JUP: variants seen among roughly 807,000 people sequenced by gnomAD.
JUP encodes the protein catenin (cadherin-associated protein), gamma 80kDa.
JUP carries 28 observed loss-of-function variants against 71.1 expected under a neutral mutation model. The observed-to-expected ratio is 0.39, with a 90% confidence interval of 0.29 to 0.54. The LOEUF (loss-of-function observed/expected upper bound fraction) is 0.54. Among genes scored for constraint, JUP ranks in the 20% least tolerant of loss-of-function variants. The pLI, the probability that JUP is intolerant of heterozygous loss-of-function variation, is 0.62. For synonymous variants in JUP, 401 were observed against 438.9 expected (o/e 0.91, Z 1.08); for missense variants, 869 against 1,030.1 (o/e 0.84, Z 2.14).
chr17:41,767,367 G>C lies in JUP; in HGVS notation c.909+12C>G, dbSNP rs1555604471. 1 of 1,612,826 alleles carries C rather than the reference G, an allele frequency of 6.2e-7. No individual in the cohort carries two copies. Among genetic ancestry groups the C allele is most frequent in the Non-Finnish European group, 8.5e-7 (1 of 1,179,032 alleles). On this transcript the variant is annotated intron_variant, in intron 5 of 13. Transcript: ENST00000393931. ...TGGGCTTCAGGCCTCGGGAGAGTTG[G>C]GGAGGGCCCACCTTGCTCTCCTGGT...
Position 41,763,286 on chromosome 17 carries a change from A to C in JUP, c.1194T>G (p.Asn398Lys), listed in dbSNP as rs1320533886. ...GLESVLKILV[N>K]QLSVDDVNVL... ...CGTTGACGTCATCCACACTCAGCTG[A>C]TTCACCAGAATCTTCAGCACACTCT... is the stretch of plus-strand genomic sequence containing the variant. Residue 398 changes from asparagine (N) to lysine (K), a missense_variant, in exon 8 of 14, where the codon AAT (asparagine) becomes AAG (lysine). Asn to Lys is a moderately conservative substitution (Grantham distance 94, BLOSUM62 0). Coordinates refer to ENST00000393931, the MANE Select transcript of JUP (RefSeq NM_002230.4). 6.2e-7 allele frequency: 1 copy of C among 1,614,016 alleles called. No homozygotes were observed. Among genetic ancestry groups the C allele is most frequent in the Non-Finnish European group, 8.5e-7 (1 of 1,180,026 alleles).
Position 41,769,452 on chromosome 17 carries a change from G to C in JUP, c.434C>G (p.Pro145Arg). 5 of 1,613,088 alleles carry C rather than the reference G, an allele frequency of 3.1e-6. No homozygotes were observed. The highest frequency in any genetic ancestry group is 4.2e-6 in the Non-Finnish European group (5 of 1,179,738). Reference sequence around the variant, plus strand: ...GTCGTTGAGCAGTTTGGTGAGCTCGGGCAGGGCGCGAGTGGCCAGCTCGGC... The same window carrying C: ...GTCGTTGAGCAGTTTGGTGAGCTCGCGCAGGGCGCGAGTGGCCAGCTCGGC... ...DDAELATRAL[P>R]ELTKLLNDED... Residue 145 changes from proline to arginine, a missense_variant, in exon 3 of 14, where the codon CCC becomes CGC. Transcript: ENST00000393931.
At chr17:41,770,053 G>T (rs189756666) in intron 2 of JUP, among the ~76,000 whole-genome samples, 1 of 151,956 alleles carries the variant, frequency 6.6e-6, no homozygotes, top group African/African-American at 2.4e-5. Context: ...GGGCACAGAG[G>T]GGTTATAAGG....
intron 2 of JUP, among the ~76,000 whole-genome samples, chr17:41,770,938 A>G (rs1916552892): frequency 6.6e-6 from 1 of 152,216 alleles, no homozygotes; most frequent in African/African-American, 2.4e-5. Context: ...TGGCTCTCCC[A>G]CAAACGTGAG....
intron 1 of JUP, among the ~76,000 whole-genome samples, chr17:41,776,651 G>A (rs2046900419): frequency 6.6e-6 from 1 of 152,196 alleles, no homozygotes; most frequent in Admixed American, 6.5e-5. Context: ...GATTGAGGCT[G>A]CAGTGAGCCA....
intron 4 of JUP, among the ~76,000 whole-genome samples, chr17:41,768,680 C>T (rs1916091207): frequency 6.6e-6 from 1 of 152,216 alleles, no homozygotes; most frequent in African/African-American, 2.4e-5. Context: ...CCTTCCTCTG[C>T]ACTAGCCAAA....
At chr17:41,781,348 C>T (rs1191085497) in intron 1 of JUP, among the ~76,000 whole-genome samples, 1 of 150,530 alleles carries the variant, frequency 6.6e-6, no homozygotes. Flanking sequence ...GAGTGAGAGA[C>T]TCCATCTCAA....
At chr17:41,785,905 C>T (rs1347327605) in intron 1 of JUP, 8 of 152,308 alleles carry the variant, frequency 5.3e-5, no homozygotes, top group Non-Finnish European at 1.2e-4. Context: ...CATCCCACCT[C>T]CGCTGAAGAA....
rs933829636 is a variant in JUP at position 41,758,380 on chromosome 17, C to T, written c.1773+19G>A. The T allele has an allele frequency of 6.2e-7, 1 of 1,612,360 alleles. No individual in the cohort carries two copies. The highest frequency in any genetic ancestry group is 8.5e-7 in the Non-Finnish European group (1 of 1,179,938). ...GCAGTGGTGGGGGGACCTCTCCTGC[C>T]CACCTGCCCCAGACTCACCTGCACA... On this transcript the variant is annotated intron_variant, in intron 10 of 13. Coordinates refer to ENST00000393931, the MANE Select transcript of JUP (RefSeq NM_002230.4).
chr17:41,757,574 G>A lies in JUP; in HGVS notation c.1925-38C>T, dbSNP rs147482423. 1,561 of 1,614,086 alleles carry A rather than the reference G, an allele frequency of 9.7e-4. 5 individuals carry two copies. The African/African-American group carries it at 9.9e-3, about 10-fold the overall frequency. On this transcript the variant is annotated intron_variant, in intron 11 of 13. Coordinates refer to ENST00000393931, the MANE Select transcript of JUP (RefSeq NM_002230.4). ...GAAAGGAAAAGCCAGGTTAAACGTC[G>A]GCCAGCCTCCATCGTGGCTGGGGGA... is the stretch of plus-strand genomic sequence containing the variant.
chr17:41,755,826 T>C lies in JUP; in HGVS notation c.2156A>G (p.Asp719Gly), dbSNP rs1283154446. ...GTCGATGGGGTAGTCTCCATCCATG[T>C]CCATGTGCATCTCCAGCGGGTCAAG... Reference protein sequence around the residue: ...VPLDPLEMHMDMDGDYPIDTY... With the variant: ...VPLDPLEMHMGMDGDYPIDTY... The change falls in exon 14 of 14, where the codon GAC (aspartate) becomes GGC (glycine). Residue 719 changes from aspartate to glycine, a missense_variant. Physicochemically the swap from Asp to Gly is moderately conservative, Grantham distance 94 (BLOSUM62 -1). Transcript: ENST00000393931. 1 of 1,613,434 alleles carries C rather than the reference T, an allele frequency of 6.2e-7. No individual in the cohort carries two copies. Among genetic ancestry groups the C allele is most frequent in the Non-Finnish European group, 8.5e-7 (1 of 1,179,714 alleles).
At chr17:41,784,215 C>T (rs1191246536) in intron 1 of JUP, among the ~76,000 whole-genome samples, 1 of 151,824 alleles carries the variant, frequency 6.6e-6, no homozygotes, top group Non-Finnish European at 1.5e-5. Context: ...CTAGCCCGAC[C>T]TTTTTCGTTC....
At chr17:41,768,681 A>G in intron 4 of JUP, among the ~76,000 whole-genome samples, 1 of 152,152 alleles carries the variant, frequency 6.6e-6, no homozygotes, top group Admixed American at 6.5e-5. Flanking sequence ...CTTCCTCTGC[A>G]CTAGCCAAAC....
chr17:41,756,115 C>A, intron 13 of JUP, 60 bp downstream of exon 13: 1 of 1,542,050 alleles, frequency 6.5e-7, no homozygotes, highest in Admixed American at 1.7e-5. Context: ...TGTCCCCTCA[C>A]ACACACCCAC....
At chr17:41,756,359 G>A in intron 12 of JUP, 145 bp from the exon 13 acceptor site, 2 of 769,442 alleles carry the variant, frequency 2.6e-6, no homozygotes, top group Non-Finnish European at 4.5e-6. Context: ...CAGCACTCTG[G>A]GAGACAGCAG....
intron 1 of JUP, among the ~76,000 whole-genome samples, chr17:41,784,161 T>C (rs547675982): frequency 5.7e-4 from 87 of 152,198 alleles, no homozygotes; most frequent in Non-Finnish European, 1.1e-3. Flanking sequence ...AATTGACCCA[T>C]CTCACTCTAA....
intron 1 of JUP, among the ~76,000 whole-genome samples, chr17:41,773,552 C>T (rs1375294727): frequency 2.6e-5 from 4 of 152,194 alleles, no homozygotes; most frequent in African/African-American, 7.2e-5. Context: ...ACAGCTGCTT[C>T]CCAGGCATTC....
At chr17:41,785,222 AC>A (rs2047393017) in intron 1 of JUP, 1 of 151,816 alleles carries the variant, frequency 6.6e-6, no homozygotes, top group Admixed American at 6.6e-5. Flanking sequence ...TGCCTCAATA[AC>A]CAGCCAGCTA....
In JUP at chr17:41,757,642, T is replaced by C. The variant is rs1914057795; in HGVS notation, c.1916A>G (p.Glu639Gly). The C allele has an allele frequency of 1.2e-6, 2 of 1,613,592 alleles. No individual in the cohort carries two copies. The highest frequency in any genetic ancestry group is 8.5e-7 in the Non-Finnish European group (1 of 1,179,840). The change falls in exon 11 of 14, where the codon GAG (glutamate) becomes GGG (glycine). Residue 639 changes from glutamate to glycine, a missense_variant. Glu to Gly is a moderately conservative substitution (Grantham distance 98, BLOSUM62 -2). Coordinates refer to ENST00000393931, the MANE Select transcript of JUP (RefSeq NM_002230.4). The stretch of plus-strand genomic sequence containing the variant: ...GCCCTCCCCCAGCTCACCAGTGCCC[T>C]CGTTGCGGGAGTGCAGCAACTCCAT... ...PLMELLHSRNEGTATYAAAVL... is the reference protein window; with the variant it reads ...PLMELLHSRNGGTATYAAAVL...
Sources: gnomAD v4.1 joint callset for allele counts (sites outside exome capture counted in the v4.1 genomes callset) on GRCh38, gnomAD v4.1.1 for gene constraint, MANE v1.5 for transcripts, NCBI Gene and HGNC (gene_info 2026-07-23, HGNC 2026-07-21) for gene names.